Variants in PPM1H observed in about 807,000 individuals in gnomAD.
The protein encoded by PPM1H is protein phosphatase, Mg2+/Mn2+ dependent 1H.
In PPM1H, 27 loss-of-function variants were observed where a neutral mutation model predicts 54.9. The ratio of observed to expected loss-of-function variants is 0.49; its 90% CI spans 0.36 to 0.68. PPM1H has a LOEUF of 0.68. Among genes scored for constraint, PPM1H ranks in the 30% least tolerant of loss-of-function variants. The probability of loss-of-function intolerance (pLI) is 0.00; values close to 1 mark genes in which losing one functional copy is unlikely to be tolerated. For missense variants in PPM1H, 596 were observed against 667.8 expected, an observed-to-expected ratio of 0.89 and a Z score of 1.19; for synonymous variants, 305 against 270.8, an observed-to-expected ratio of 1.13 and a Z score of -1.24.
Position 62,793,067 on chromosome 12 carries a change from T to G in PPM1H, c.757-4729A>C, listed in dbSNP as rs566335911. On this transcript the variant is annotated intron_variant, in intron 3 of 9. Coordinates refer to ENST00000228705, the MANE Select transcript of PPM1H (RefSeq NM_020700.2). ...ACGGGAAAAACTGCTTACTGCTTTGTGCTAAGCAAGGACTGATTTAGAATA... is the reference window on the plus strand; with the variant it reads ...ACGGGAAAAACTGCTTACTGCTTTGGGCTAAGCAAGGACTGATTTAGAATA... Among the ~76,000 whole-genome samples, 3 of 152,336 alleles carry G rather than the reference T, an allele frequency of 2.0e-5. No individual in the cohort carries two copies. The East Asian group carries it at 5.8e-4, about 29-fold the overall frequency.
At chr12:62,932,728 G>T (rs1009987643) in intron 1 of PPM1H, among the ~76,000 whole-genome samples, 20 of 138,696 alleles carry the variant, frequency 1.4e-4, no homozygotes, top group Admixed American at 1.1e-3. Context: ...TCTGCCTCCC[G>T]GGTTCAAGCG....
intron 1 of PPM1H, among the ~76,000 whole-genome samples, chr12:62,884,331 C>T (rs1040806808): frequency 4.4e-5 from 5 of 114,732 alleles, no homozygotes; most frequent in African/African-American, 1.9e-4. Context: ...GACAAAAGCA[C>T]CAAAATGAAA....
At chr12:62,757,765 C>T (rs1016407612) in intron 4 of PPM1H, among the ~76,000 whole-genome samples, 1 of 152,354 alleles carries the variant, frequency 6.6e-6, no homozygotes, top group Admixed American at 6.5e-5. Context: ...TTTCTATGGA[C>T]TTATCCAAAT....
Position 62,844,707 on chromosome 12 carries a change from A to G in PPM1H, c.246-12428T>C, listed in dbSNP as rs1445136853. Among the ~76,000 whole-genome samples the G allele has an allele frequency of 5.9e-5, 9 of 152,208 alleles. No individual in the cohort carries two copies. The highest frequency in any genetic ancestry group is 7.3e-5 in the Non-Finnish European group (5 of 68,040). ...ATTTCAGTTGTGTTCTCCCTATCTC[A>G]AATCACATAGCACGGAGTAGGTACT... On this transcript the variant is annotated intron_variant, in intron 1 of 9. Coordinates refer to ENST00000228705, the MANE Select transcript of PPM1H (RefSeq NM_020700.2). The surrounding 1 kb of genome is among the most constrained non-coding windows in gnomAD (Gnocchi z 5.2).
rs1317966743 is a variant in PPM1H at position 62,815,210 on chromosome 12, G to A, written c.412-13050C>T. ...CTCTTTTTTTTTGACTAAATTGTTC[G>A]GATACTCTGCTCTGCAGTGGAGGAA... On this transcript the variant is annotated intron_variant, in intron 2 of 9. Transcript: ENST00000228705. 7.9e-5 allele frequency among the ~76,000 whole-genome samples: 12 copies of A among 151,590 alleles called. 1 individual carries two copies. The highest frequency in any genetic ancestry group is 1.2e-4 in the African/African-American group (5 of 41,046).
intron 1 of PPM1H, among the ~76,000 whole-genome samples, chr12:62,912,112 C>A (rs1233885003): frequency 6.6e-6 from 1 of 151,960 alleles, no homozygotes; most frequent in African/African-American, 2.4e-5. Context: ...CTTGAGCCTA[C>A]AACGCAAAAA....
intron 1 of PPM1H, among the ~76,000 whole-genome samples, chr12:62,888,638 C>T (rs1023353367): frequency 3.3e-5 from 5 of 152,034 alleles, no homozygotes; most frequent in African/African-American, 1.2e-4. Context: ...TGCAAGGAAC[C>T]CCTGTATTTT....
rs144954598 is a variant in PPM1H at position 62,698,223 on chromosome 12, G to A, written c.1074-4224C>T. Reference sequence around the variant, plus strand: ...TCCCTTCTACAATACACCTAACCTTGGTTCCTGGCCTCTCCTGAATGGACT... The same window carrying A: ...TCCCTTCTACAATACACCTAACCTTAGTTCCTGGCCTCTCCTGAATGGACT... On this transcript the variant is annotated intron_variant, in intron 6 of 9. Transcript: ENST00000228705. 4.2e-3 allele frequency among the ~76,000 whole-genome samples: 633 copies of A among 152,030 alleles called. 6 individuals are homozygous for A. The highest frequency in any genetic ancestry group is 0.015 in the African/African-American group (605 of 41,470).
chr12:62,895,283 G>A (rs1220374968), intron 1 of PPM1H, among the ~76,000 whole-genome samples: 1 of 152,174 alleles, frequency 6.6e-6, no homozygotes, highest in Non-Finnish European at 1.5e-5. Flanking sequence ...GAATTAAGGA[G>A]ATATCCCCTT....
rs547267223 is a variant in PPM1H at position 62,835,434 on chromosome 12, T to C, written c.246-3155A>G. ...TGCTTCAGCTCTTGGGTTGTTTTAT[T>C]TTCCTATTGTGCATCTATTCTTGTC... On this transcript the variant is annotated intron_variant, in intron 1 of 9. Transcript: ENST00000228705. Among the ~76,000 whole-genome samples, 10 of 152,356 alleles carry C rather than the reference T, an allele frequency of 6.6e-5. 1 individual carries two copies. Among genetic ancestry groups the C allele is most frequent in the African/African-American group, 2.2e-4 (9 of 41,584 alleles).
chr12:62,692,932 GACACACACACACACACAC>G (rs71278272), intron 7 of PPM1H, among the ~76,000 whole-genome samples: 9 of 146,694 alleles, frequency 6.1e-5, no homozygotes, highest in African/African-American at 1.3e-4. Context: ...CTTTTGCTCT[GACACACACACACACACAC>G]ACACACACAC....
intron 1 of PPM1H, among the ~76,000 whole-genome samples, chr12:62,886,308 C>T (rs1026471820): frequency 6.6e-6 from 1 of 152,174 alleles, no homozygotes; most frequent in African/African-American, 2.4e-5. Flanking sequence ...TGGAGATACC[C>T]TCTGTTATAG....
chr12:62,804,801 A>G (rs1398343307), intron 2 of PPM1H, among the ~76,000 whole-genome samples: 3 of 144,210 alleles, frequency 2.1e-5, no homozygotes, highest in African/African-American at 2.6e-5. Flanking sequence ...TCAGCCTCCC[A>G]AGTAGCTGGG....
At chr12:62,716,506 G>GA (rs1432179280) in intron 6 of PPM1H, among the ~76,000 whole-genome samples, 1 of 152,168 alleles carries the variant, frequency 6.6e-6, no homozygotes, top group Non-Finnish European at 1.5e-5. Flanking sequence ...TTACTACAAG[G>GA]ATTAAACAGC....
At chr12:62,806,475 C>T (rs73316232) in intron 2 of PPM1H, among the ~76,000 whole-genome samples, 26 of 152,230 alleles carry the variant, frequency 1.7e-4, no homozygotes, top group Non-Finnish European at 2.8e-4. Flanking sequence ...CTGACTGATA[C>T]GGTTTGGATT....
intron 1 of PPM1H, among the ~76,000 whole-genome samples, chr12:62,931,251 G>T (rs145200867): frequency 3.9e-5 from 6 of 152,272 alleles, no homozygotes; most frequent in Non-Finnish European, 8.8e-5. Flanking sequence ...TCAGGCATTA[G>T]CTCCTTAGTA....
chr12:62,724,374 G>A (rs1321642144), intron 5 of PPM1H, among the ~76,000 whole-genome samples: 1 of 152,234 alleles, frequency 6.6e-6, no homozygotes, highest in Non-Finnish European at 1.5e-5. Context: ...ACAGGAGGAT[G>A]AGTGGGCCCT....
chr12:62,855,544 T>C (rs1383796549), intron 1 of PPM1H, among the ~76,000 whole-genome samples: 3 of 152,158 alleles, frequency 2.0e-5, no homozygotes, highest in Non-Finnish European at 4.4e-5. Context: ...AAAAGATGAC[T>C]TCTTAGGACC....
At chr12:62,927,855 T>C (rs907242764) in intron 1 of PPM1H, among the ~76,000 whole-genome samples, 2 of 152,092 alleles carry the variant, frequency 1.3e-5, no homozygotes, top group African/African-American at 2.4e-5. Context: ...GGCTAATGAA[T>C]TAACAAACAT....
Sources: allele counts gnomAD v4.1 joint callset (sites outside exome capture counted in the v4.1 genomes callset), GRCh38; gene constraint gnomAD v4.1.1; non-coding constraint Gnocchi (gnomAD v3.1); transcripts MANE v1.5; gene names NCBI Gene and HGNC (gene_info 2026-07-23, HGNC 2026-07-21).